SCIN: variants seen among roughly 807,000 people sequenced by gnomAD.
The protein encoded by SCIN is adseverin.
Under a neutral mutation model 91.8 loss-of-function variants are expected in SCIN, and 91 were observed. The ratio of observed to expected loss-of-function variants is 0.99; its 90% CI spans 0.84 to 1.18. The LOEUF is 1.18. Ranked by LOEUF, SCIN falls within the 50% of genes most tolerant of loss-of-function variation. The probability of loss-of-function intolerance (pLI) is 0.00; values close to 1 mark genes in which losing one functional copy is unlikely to be tolerated. For missense variants in SCIN, 1,087 were observed against 863.9 expected, an observed-to-expected ratio of 1.26 and a Z score of -3.24; for synonymous variants, 367 against 312.6, an observed-to-expected ratio of 1.17 and a Z score of -1.84.
At chr7:12,612,054 A>G (rs558364407) in intron 4 of SCIN, among the ~76,000 whole-genome samples, 2 of 152,234 alleles carry the variant, frequency 1.3e-5, no homozygotes, top group South Asian at 4.1e-4. Context: ...TGTACTTTGT[A>G]AGAATGGAAA....
In SCIN at chr7:12,659,457, G is replaced by C. The variant is rs1439901455; in HGVS notation, c.*6742G>C. 6.6e-6 allele frequency: 1 copy of C among 152,210 alleles called. No individual in the cohort carries two copies. Among genetic ancestry groups the C allele is most frequent in the Non-Finnish European group, 1.5e-5 (1 of 68,042 alleles). 9.4% of individuals were successfully genotyped at this position (152,210 alleles called of 1,614,324 possible). A position where few individuals can be genotyped will look rare whatever the true frequency, so the allele number is the denominator to read the frequency against. The stretch of plus-strand genomic sequence containing the variant: ...ATTCCCTTAACTGGTGATGCCTGAA[G>C]TTGGGATAAAGAGTCTTCCAAACAT... On this transcript the variant is annotated 3_prime_UTR_variant, in exon 16 of 16. Coordinates refer to ENST00000297029, the MANE Select transcript of SCIN (RefSeq NM_001112706.3).
intron 10 of SCIN, among the ~76,000 whole-genome samples, chr7:12,636,912 AT>A (rs1204185341): frequency 7.0e-6 from 1 of 143,380 alleles, no homozygotes; most frequent in Admixed American, 6.8e-5. Context: ...CAATTAAAAA[AT>A]AAAATTAAAA....
chr7:12,652,679 A>T lies in SCIN; in HGVS notation c.2112A>T (p.Thr704=). The T allele has an allele frequency of 6.2e-7, 1 of 1,606,418 alleles. No homozygotes were observed. Among genetic ancestry groups the T allele is most frequent in the Non-Finnish European group, 8.5e-7 (1 of 1,177,672 alleles). The change falls in exon 16 of 16, where the codon ACA becomes ACT. Residue 704 remains threonine (T), a synonymous_variant. Coordinates refer to ENST00000297029, the MANE Select transcript of SCIN (RefSeq NM_001112706.3). ...IKQGHEPPTF[T]GWFLGWDSSK... ...AGGGCCATGAGCCACCCACATTCAC[A>T]GGCTGGTTCCTGGGCTGGGATTCCA... is the stretch of plus-strand genomic sequence containing the variant.
intron 3 of SCIN, among the ~76,000 whole-genome samples, chr7:12,589,837 T>A (rs1162575655): frequency 1.3e-5 from 2 of 152,060 alleles, no homozygotes; most frequent in African/African-American, 4.8e-5. Context: ...GGGCCTGTTT[T>A]GTAAGAGGAA....
At chr7:12,638,792 A>G (rs1052261368) in intron 10 of SCIN, among the ~76,000 whole-genome samples, 2 of 152,224 alleles carry the variant, frequency 1.3e-5, no homozygotes, top group Non-Finnish European at 2.9e-5. Flanking sequence ...TTTAAAAATA[A>G]GTTAACTTGC....
intron 3 of SCIN, among the ~76,000 whole-genome samples, chr7:12,581,730 C>T (rs919942898): frequency 5.9e-5 from 9 of 152,146 alleles, no homozygotes; most frequent in African/African-American, 9.7e-5. Flanking sequence ...ATCTTAATGG[C>T]ATGGGCAATG....
intron 8 of SCIN, among the ~76,000 whole-genome samples, chr7:12,628,712 A>G (rs1168709042): frequency 1.3e-5 from 2 of 152,022 alleles, no homozygotes; most frequent in Non-Finnish European, 2.9e-5. Context: ...AAGCACAGGG[A>G]AAAAAATATA....
chr7:12,655,732 C>A lies in SCIN; in HGVS notation c.*3017C>A, dbSNP rs1379461649. 1 of 152,080 alleles carries A rather than the reference C, an allele frequency of 6.6e-6. No individual in the cohort carries two copies. The allele number at this position is 152,080 out of a possible 1,614,324, so 9.4% of individuals were successfully genotyped here. On this transcript the variant is annotated 3_prime_UTR_variant, in exon 16 of 16. Coordinates refer to ENST00000297029, the MANE Select transcript of SCIN (RefSeq NM_001112706.3). The stretch of plus-strand genomic sequence containing the variant: ...ATACACAAAAAATATTATATATTTG[C>A]CAAACGTATGTACTAATCTAAAACC...
chr7:12,616,528 T>C (rs186148918), intron 4 of SCIN, among the ~76,000 whole-genome samples: 94 of 152,290 alleles, frequency 6.2e-4, no homozygotes, highest in Admixed American at 1.8e-3. Context: ...ATTACCTAAT[T>C]TGTGGTATTC....
intron 3 of SCIN, among the ~76,000 whole-genome samples, chr7:12,601,407 A>G (rs1035293816): frequency 6.6e-6 from 1 of 152,172 alleles, no homozygotes; most frequent in African/African-American, 2.4e-5. Flanking sequence ...TACTCTTTTG[A>G]AAAATTGCAA....
At chr7:12,630,990 C>T (rs1396704687) in intron 9 of SCIN, among the ~76,000 whole-genome samples, 1 of 152,124 alleles carries the variant, frequency 6.6e-6, no homozygotes. Flanking sequence ...TGGTCTTCCT[C>T]TTAATTCTCT....
chr7:12,640,444 G>A lies in SCIN; in HGVS notation c.1508G>A (p.Gly503Asp). The A allele has an allele frequency of 6.2e-7, 1 of 1,613,366 alleles. No homozygotes were observed. The highest frequency in any genetic ancestry group is 8.5e-7 in the Non-Finnish European group (1 of 1,179,652). ...AAGAATGGAACATCAAAGAAAGGAG[G>A]TCAGGCACCTGCTCCCCCTACACGC... is the stretch of plus-strand genomic sequence containing the variant. ...IYKNGTSKKG[G>D]QAPAPPTRLF... The change falls in exon 11 of 16, where the codon GGT becomes GAT. Residue 503 changes from glycine to aspartate, a missense_variant. By Grantham distance (94) the Gly-to-Asp change is moderately conservative. Transcript: ENST00000297029.
rs546368253 is a variant in SCIN at position 12,578,127 on chromosome 7, A to G, written c.263A>G (p.Tyr88Cys). 2.6e-6 allele frequency: 4 copies of G among 1,551,342 alleles called. No individual in the cohort carries two copies. Among genetic ancestry groups the G allele is most frequent in the South Asian group, 1.2e-5 (1 of 83,950 alleles). The change falls in exon 2 of 16, where the codon TAT (tyrosine) becomes TGT (cysteine). Residue 88 changes from tyrosine (Y) to cysteine (C), a missense_variant. Transcript: ENST00000297029. ...AAIFTVQMDD[Y>C]LGGKPVQNRE... ...ATCTTCACTGTTCAGATGGATGACTATTTGGGTGGCAAGCCAGTGCAGAAT... is the reference window on the plus strand; with the variant it reads ...ATCTTCACTGTTCAGATGGATGACTGTTTGGGTGGCAAGCCAGTGCAGAAT...
At chr7:12,628,719 T>A (rs13242794) in intron 8 of SCIN, among the ~76,000 whole-genome samples, 33,424 of 151,818 alleles carry the variant, frequency 0.22, 4,182 homozygotes, top group Non-Finnish European at 0.28. Context: ...GGGAAAAAAA[T>A]ATATATATAT....
intron 4 of SCIN, among the ~76,000 whole-genome samples, chr7:12,619,409 C>T (rs144690129): frequency 6.6e-6 from 1 of 152,070 alleles, no homozygotes; most frequent in Non-Finnish European, 1.5e-5. Flanking sequence ...GAGGTACATG[C>T]TGTGAAAAAC....
At position 12,570,779 on chromosome 7, in the gene SCIN, C is replaced by T; in HGVS notation, c.-8C>T. 1.9e-6 allele frequency: 3 copies of T among 1,549,480 alleles called. No homozygotes were observed. Among genetic ancestry groups the T allele is most frequent in the Non-Finnish European group, 1.7e-6 (2 of 1,146,000 alleles). On this transcript the variant is annotated 5_prime_UTR_variant, in exon 1 of 16. Transcript: ENST00000297029. ...CACGCGTCCCCCGGAGCATCGCGTG[C>T]AGGAGCCATGGCGCGGGAGCTATAC... is the stretch of plus-strand genomic sequence containing the variant.
At chr7:12,613,429 C>G (rs1384150236) in intron 4 of SCIN, among the ~76,000 whole-genome samples, 1 of 152,068 alleles carries the variant, frequency 6.6e-6, no homozygotes, top group Non-Finnish European at 1.5e-5. Context: ...TAGAGTTAGC[C>G]AAGCCCAGAT....
chr7:12,589,359 G>A (rs1782667277), intron 3 of SCIN: 1 of 152,192 alleles, frequency 6.6e-6, no homozygotes, highest in South Asian at 2.1e-4. Flanking sequence ...GAGTAGCTGG[G>A]AGTACAGCTG....
At chr7:12,604,453 C>G in intron 3 of SCIN, 61 bp from the exon 4 acceptor site, 1 of 1,439,160 alleles carries the variant, frequency 6.9e-7, no homozygotes, top group Non-Finnish European at 9.5e-7. Context: ...ACAAGTATTA[C>G]ACTGAGGCTG....
Sources: allele counts gnomAD v4.1 joint callset (sites outside exome capture counted in the v4.1 genomes callset), GRCh38; gene constraint gnomAD v4.1.1; transcripts MANE v1.5; gene names NCBI Gene and HGNC (gene_info 2026-07-23, HGNC 2026-07-21).